PDZD2: variants seen among roughly 807,000 people sequenced by gnomAD.
PDZD2 encodes the protein PDZ domain-containing protein 2.
A neutral mutation model predicts 220.7 loss-of-function variants in PDZD2; 90 were observed. The observed-to-expected ratio is 0.41, with a 90% confidence interval of 0.34 to 0.49. The LOEUF is 0.49. PDZD2 is among the 20% of genes least tolerant of loss of function. The pLI is 0.28. For synonymous variants in PDZD2, 1,375 were observed against 1,450.5 expected (o/e 0.95, Z 1.18); for missense variants, 3,174 against 3,608.5 (o/e 0.88, Z 3.08).
Position 32,088,160 on chromosome 5 carries a change from C to T in PDZD2, c.4712C>T (p.Ala1571Val). The change falls in exon 20 of 25, where the codon GCT becomes GTT. Residue 1571 changes from alanine (A) to valine (V), a missense_variant. By Grantham distance (64) the Ala-to-Val change is moderately conservative (BLOSUM62 0). Around this residue, in one of 4 missense-constraint regions of PDZD2, gnomAD observed 1,861 missense variants for 2,001.0 expected, o/e 0.93. Coordinates refer to ENST00000438447, the MANE Select transcript of PDZD2 (RefSeq NM_178140.4). The surrounding 1 kb of genome is among the most constrained non-coding windows in gnomAD (Gnocchi z 4.6). ...GAGTCACTCACTGAAGCCCCACGAG[C>T]TTCTGCCAGGGACGGCTGGTCCCCT... ...DPESLTEAPR[A>V]SARDGWSPPR... is the part of the protein sequence containing the mutation. The T allele has an allele frequency of 6.2e-7, 1 of 1,614,218 alleles. No homozygotes were observed. Among genetic ancestry groups the T allele is most frequent in the South Asian group, 1.1e-5 (1 of 91,088 alleles).
At chr5:31,914,329 A>G (rs1166928547) in intron 2 of PDZD2, among the ~76,000 whole-genome samples, 1 of 152,206 alleles carries the variant, frequency 6.6e-6, no homozygotes, top group African/African-American at 2.4e-5. Flanking sequence ...CAGGAGTTCA[A>G]GACCAGCCTG....
chr5:31,984,476 T>C (rs1750553704), intron 3 of PDZD2, among the ~76,000 whole-genome samples: 1 of 152,218 alleles, frequency 6.6e-6, no homozygotes, highest in African/African-American at 2.4e-5. Context: ...TGCTGACTGG[T>C]TTCTTCTCTG....
At chr5:31,792,724 T>G (rs774083025) in intron 1 of PDZD2, among the ~76,000 whole-genome samples, 63 of 151,590 alleles carry the variant, frequency 4.2e-4, no homozygotes, top group Admixed American at 5.3e-4. Flanking sequence ...AACCTTTGAT[T>G]CCATTATTTA....
At chr5:32,051,530 A>G (rs1266282563) in intron 8 of PDZD2, among the ~76,000 whole-genome samples, 2 of 152,210 alleles carry the variant, frequency 1.3e-5, no homozygotes, top group Admixed American at 1.3e-4. Flanking sequence ...TAGGTAGAAT[A>G]TCTGCATCAG....
In PDZD2 at chr5:31,886,108, A is replaced by G. The variant is rs565216495; in HGVS notation, c.476+86384A>G. 3.7e-4 allele frequency among the ~76,000 whole-genome samples: 57 copies of G among 152,224 alleles called. No homozygotes were observed. In the South Asian group the frequency reaches 0.012, roughly 31 times the overall value. ...GAGACAGGGTTTCACCATGTTGGCC[A>G]GGCTGGTCTGTAACTCCTGACCTTA... On this transcript the variant is annotated intron_variant, in intron 2 of 24. Coordinates refer to ENST00000438447, the MANE Select transcript of PDZD2 (RefSeq NM_178140.4).
At chr5:31,792,695 G>C (rs765468939) in intron 1 of PDZD2, among the ~76,000 whole-genome samples, 1 of 151,944 alleles carries the variant, frequency 6.6e-6, no homozygotes, top group Non-Finnish European at 1.5e-5. Flanking sequence ...TGGGATTACA[G>C]GCATGAGCCA....
chr5:32,007,702 C>T (rs376254870), intron 5 of PDZD2, among the ~76,000 whole-genome samples: 8 of 152,182 alleles, frequency 5.3e-5, no homozygotes, highest in African/African-American at 1.7e-4. Context: ...ATGATTAAGA[C>T]GTTCTGTGTG....
At chr5:31,641,156 A>T (rs961252623) in intron 1 of PDZD2, among the ~76,000 whole-genome samples, 1 of 152,128 alleles carries the variant, frequency 6.6e-6, no homozygotes, top group African/African-American at 2.4e-5. Context: ...ATATGCTTAG[A>T]TGAAAGATGC....
chr5:31,668,264 A>C (rs1746082455), intron 1 of PDZD2, among the ~76,000 whole-genome samples: 1 of 152,202 alleles, frequency 6.6e-6, no homozygotes, highest in South Asian at 2.1e-4. Flanking sequence ...GGAATTGATG[A>C]ACACAAACAG....
At chr5:31,658,393 T>C (rs1274895479) in intron 1 of PDZD2, among the ~76,000 whole-genome samples, 1 of 152,126 alleles carries the variant, frequency 6.6e-6, no homozygotes, top group African/African-American at 2.4e-5. Context: ...TCTGAGAAAA[T>C]TTCCCTCCTT....
intron 10 of PDZD2, among the ~76,000 whole-genome samples, chr5:32,055,928 G>C (rs561703055): frequency 2.6e-5 from 4 of 152,266 alleles, no homozygotes; most frequent in Admixed American, 6.5e-5. Flanking sequence ...ATCCTGCAAG[G>C]CTGGTAAAAT....
intron 1 of PDZD2, among the ~76,000 whole-genome samples, chr5:31,697,536 C>T (rs1747425671): frequency 6.6e-6 from 1 of 152,148 alleles, no homozygotes; most frequent in South Asian, 2.1e-4. Context: ...GGAATCTTGC[C>T]CCTGGAGATA....
At chr5:31,769,249 C>A (rs1752205792) in intron 1 of PDZD2, among the ~76,000 whole-genome samples, 1 of 152,166 alleles carries the variant, frequency 6.6e-6, no homozygotes, top group African/African-American at 2.4e-5. Flanking sequence ...TGGATCGAAG[C>A]AAATGCAGTT....
intron 2 of PDZD2, among the ~76,000 whole-genome samples, chr5:31,831,382 G>A (rs1199266484): frequency 2.6e-5 from 4 of 152,004 alleles, no homozygotes; most frequent in African/African-American, 4.8e-5. Flanking sequence ...TTGGGAGGCC[G>A]AGGCGGGTGG....
chr5:31,947,577 G>A (rs1746757410), intron 2 of PDZD2, among the ~76,000 whole-genome samples: 1 of 152,204 alleles, frequency 6.6e-6, no homozygotes, highest in African/African-American at 2.4e-5. Context: ...GCTCATTCCT[G>A]TAATCCCAGC....
At chr5:31,752,486 T>C (rs498695) in intron 1 of PDZD2, among the ~76,000 whole-genome samples, 97,195 of 151,994 alleles carry the variant, frequency 0.64, 32,124 homozygotes, top group East Asian at 0.94. Flanking sequence ...GAGGCAGAGG[T>C]TTCAGTGAGC....
At chr5:32,002,962 ACAC>A (rs1752372040) in intron 5 of PDZD2, among the ~76,000 whole-genome samples, 1 of 102,754 alleles carries the variant, frequency 9.7e-6, no homozygotes, top group South Asian at 3.4e-4. Context: ...CACCACACAC[ACAC>A]CAACACACAC....
intron 2 of PDZD2, among the ~76,000 whole-genome samples, chr5:31,868,417 G>A (rs1738428343): frequency 6.6e-6 from 1 of 152,164 alleles, no homozygotes; most frequent in Admixed American, 6.5e-5. Flanking sequence ...CTGCACTCCA[G>A]CCTGGACGAC....
intron 1 of PDZD2, among the ~76,000 whole-genome samples, chr5:31,796,645 C>T (rs1164872753): frequency 1.3e-5 from 2 of 152,098 alleles, no homozygotes; most frequent in East Asian, 1.9e-4. Flanking sequence ...GAGGTGTTAT[C>T]GCAGACCTAT....
Sources: gnomAD v4.1 joint callset for allele counts (sites outside exome capture counted in the v4.1 genomes callset) on GRCh38, gnomAD v4.1.1 for gene constraint, gnomAD v4.1.1 regional missense constraint, Gnocchi (gnomAD v3.1) non-coding constraint, MANE v1.5 for transcripts, NCBI Gene and HGNC (gene_info 2026-07-23, HGNC 2026-07-21) for gene names.